Variants in VAC14 observed in about 807,000 individuals in gnomAD.
VAC14 encodes protein VAC14 homolog.
In VAC14, 47 loss-of-function variants were observed where a neutral mutation model predicts 85.3. The observed-to-expected ratio is 0.55, with a 90% CI of 0.44 to 0.70. The LOEUF is 0.70. Ranked by LOEUF, VAC14 falls within the 30% of genes least tolerant of loss-of-function variation. The pLI is 0.00. For missense variants in VAC14, 861 were observed against 1,004.3 expected, an observed-to-expected ratio of 0.86 and a Z score of 1.93; for synonymous variants, 447 against 430.5, an observed-to-expected ratio of 1.04 and a Z score of -0.47.
intron 14 of VAC14, among the ~76,000 whole-genome samples, chr16:70,713,367 T>C (rs1357410304): frequency 1.3e-5 from 2 of 152,250 alleles, no homozygotes; most frequent in Admixed American, 6.5e-5. Context: ...ATGGAAACGC[T>C]GACCACAGTT....
At chr16:70,766,939 C>T (rs895092189) in intron 10 of VAC14, among the ~76,000 whole-genome samples, 11 of 152,124 alleles carry the variant, frequency 7.2e-5, no homozygotes, top group East Asian at 3.8e-4. Flanking sequence ...GCTGCTGGGC[C>T]GGAGCCTGAG....
At chr16:70,775,967 G>GT (rs1409881013) in intron 9 of VAC14, among the ~76,000 whole-genome samples, 1 of 152,194 alleles carries the variant, frequency 6.6e-6, no homozygotes, top group Non-Finnish European at 1.5e-5. Context: ...TGGAAGAGCA[G>GT]TTACCCCTTC....
intron 1 of VAC14, 23 bp downstream of exon 1, chr16:70,800,774 G>A: frequency 6.2e-7 from 1 of 1,602,070 alleles, no homozygotes; most frequent in Non-Finnish European, 8.5e-7. Flanking sequence ...GCATAGCCAG[G>A]GAGGGGTCCT....
chr16:70,789,480 G>T (rs868320825), intron 1 of VAC14, among the ~76,000 whole-genome samples: 8 of 152,154 alleles, frequency 5.3e-5, no homozygotes, highest in Non-Finnish European at 8.8e-5. Flanking sequence ...TTAAAGGGAG[G>T]TGCGCACACA....
intron 14 of VAC14, among the ~76,000 whole-genome samples, chr16:70,702,080 C>T (rs541866732): frequency 1.3e-5 from 2 of 152,358 alleles, no homozygotes; most frequent in East Asian, 3.9e-4. Context: ...AAGGGTCTCC[C>T]GAACAGAACG....
intron 12 of VAC14, chr16:70,761,246 T>C (rs1364861566): frequency 4.4e-6 from 2 of 453,382 alleles, no homozygotes; most frequent in East Asian, 1.4e-4. Context: ...GGAGCCTCAC[T>C]CCATGGGGAC....
At chr16:70,705,236 C>T (rs2053899347) in intron 14 of VAC14, among the ~76,000 whole-genome samples, 1 of 152,230 alleles carries the variant, frequency 6.6e-6, no homozygotes, top group Admixed American at 6.5e-5. Flanking sequence ...CTTCCTTGGG[C>T]CTGGCTTCTT....
At chr16:70,755,248 A>G in intron 12 of VAC14, 1 of 335,626 alleles carries the variant, frequency 3.0e-6, no homozygotes, top group Non-Finnish European at 6.0e-6. Flanking sequence ...AGGGGCCACC[A>G]GGTCAGTGAG....
intron 9 of VAC14, among the ~76,000 whole-genome samples, chr16:70,775,485 A>G (rs145866901): frequency 1.1e-3 from 167 of 152,332 alleles, no homozygotes; most frequent in Non-Finnish European, 2.1e-3. Context: ...CGGGCCATAG[A>G]CCTTTTCTCC....
chr16:70,736,476 TGTGACCC>T (rs536940432), intron 13 of VAC14, among the ~76,000 whole-genome samples: 27 of 152,182 alleles, frequency 1.8e-4, no homozygotes, highest in Admixed American at 5.2e-4. Context: ...GGGGGCCACC[TGTGACCC>T]CCACACATCT....
chr16:70,795,494 T>TAAAAAA (rs71153603), intron 1 of VAC14, among the ~76,000 whole-genome samples: 2 of 91,930 alleles, frequency 2.2e-5, no homozygotes, highest in African/African-American at 4.3e-5. Flanking sequence ...AGACTCTGTC[T>TAAAAAA]AAAAAAAAAA....
intron 18 of VAC14, chr16:70,689,401 C>T: frequency 1.0e-6 from 1 of 985,354 alleles, no homozygotes; most frequent in Non-Finnish European, 1.2e-6. Flanking sequence ...AGGAGCTCCC[C>T]CAAAACGAAC....
chr16:70,756,594 C>T (rs2031881394), intron 12 of VAC14, among the ~76,000 whole-genome samples: 2 of 152,170 alleles, frequency 1.3e-5, no homozygotes, highest in Admixed American at 6.5e-5. Flanking sequence ...TGAAGAGCCC[C>T]TCAAGGCGCC....
intron 1 of VAC14, among the ~76,000 whole-genome samples, chr16:70,789,484 G>A (rs1021894887): frequency 1.5e-4 from 23 of 152,136 alleles, no homozygotes; most frequent in Admixed American, 5.2e-4. Context: ...AGGGAGGTGC[G>A]CACACAGCTG....
At chr16:70,781,771 G>A in intron 8 of VAC14, 98 bp downstream of exon 8, 1 of 1,485,914 alleles carries the variant, frequency 6.7e-7, no homozygotes, top group South Asian at 1.3e-5. Flanking sequence ...GAAGTGTGAT[G>A]GATCCTAAGA....
chr16:70,786,129 T>A, intron 2 of VAC14, 86 bp downstream of exon 2: 1 of 1,552,632 alleles, frequency 6.4e-7, no homozygotes, highest in Non-Finnish European at 8.7e-7. Flanking sequence ...AATGCCCTAC[T>A]GGGTCTTGAC....
chr16:70,789,487 C>T (rs764118203), intron 1 of VAC14, among the ~76,000 whole-genome samples: 5 of 152,120 alleles, frequency 3.3e-5, no homozygotes, highest in Non-Finnish European at 7.4e-5. Context: ...GAGGTGCGCA[C>T]ACAGCTGCTC....
chr16:70,771,911 C>T (rs1222805538), intron 10 of VAC14, 198 bp downstream of exon 10: 1 of 578,072 alleles, frequency 1.7e-6, no homozygotes, highest in East Asian at 2.9e-5. Flanking sequence ...CCTATCTATC[C>T]ATCAAGCCTG....
chr16:70,702,356 C>G (rs1218091758), intron 14 of VAC14, among the ~76,000 whole-genome samples: 1 of 152,180 alleles, frequency 6.6e-6, no homozygotes, highest in Non-Finnish European at 1.5e-5. Flanking sequence ...AGTGAGGTGT[C>G]TCCCTCTGAG....
Sources: allele counts gnomAD v4.1 joint callset (sites outside exome capture counted in the v4.1 genomes callset), GRCh38; gene constraint gnomAD v4.1.1; transcripts MANE v1.5; gene names NCBI Gene and HGNC (gene_info 2026-07-23, HGNC 2026-07-21).